Variants in LRP1B observed in about 807,000 individuals in gnomAD.
LRP1B encodes LDL receptor related protein 1B.
A neutral mutation model predicts 556.6 loss-of-function variants in LRP1B; 217 were observed. The ratio of observed to expected loss-of-function variants is 0.39; its 90% CI spans 0.35 to 0.44. The LOEUF (loss-of-function observed/expected upper bound fraction) is 0.44. Ranked by LOEUF, LRP1B falls within the 20% of genes least tolerant of loss-of-function variation. LRP1B has a pLI of 1.00. For synonymous variants in LRP1B, 2,047 were observed against 1,865.8 expected (o/e 1.10, Z -2.50); for missense variants, 5,053 against 5,620.8 (o/e 0.90, Z 3.23).
chr2:140,342,862 C>T (rs962064976), intron 77 of LRP1B, among the ~76,000 whole-genome samples: 4 of 151,528 alleles, frequency 2.6e-5, no homozygotes, highest in African/African-American at 9.7e-5. Context: ...AAAATGTGTG[C>T]ATGTGCTGGA....
intron 1 of LRP1B, among the ~76,000 whole-genome samples, chr2:142,036,643 A>T (rs1284134706): frequency 6.6e-6 from 1 of 151,696 alleles, no homozygotes; most frequent in Non-Finnish European, 1.5e-5. Context: ...TATTTTATAC[A>T]TTGCATTTTT....
intron 2 of LRP1B, among the ~76,000 whole-genome samples, chr2:141,504,533 A>G (rs1683849660): frequency 6.6e-6 from 1 of 152,154 alleles, no homozygotes; most frequent in Admixed American, 6.5e-5. Flanking sequence ...GAACAAACCT[A>G]TAATAAGTTT....
intron 43 of LRP1B, among the ~76,000 whole-genome samples, chr2:140,581,344 A>G (rs1167487021): frequency 6.6e-6 from 1 of 152,142 alleles, no homozygotes; most frequent in African/African-American, 2.4e-5. Flanking sequence ...TCATTTAACT[A>G]TTTCTTTTCC....
At chr2:140,966,645 A>C (rs1314858675) in intron 18 of LRP1B, among the ~76,000 whole-genome samples, 1 of 152,190 alleles carries the variant, frequency 6.6e-6, no homozygotes, top group Non-Finnish European at 1.5e-5. Flanking sequence ...GGTATTGCCT[A>C]GCTTTTCTTC....
chr2:141,161,296 A>G (rs2105112189), intron 7 of LRP1B, among the ~76,000 whole-genome samples: 1 of 152,284 alleles, frequency 6.6e-6, no homozygotes, highest in East Asian at 1.9e-4. Context: ...TTACTACAGC[A>G]GTGAACAGTC....
intron 3 of LRP1B, among the ~76,000 whole-genome samples, chr2:141,303,135 A>G (rs1247653381): frequency 6.6e-6 from 1 of 152,108 alleles, no homozygotes; most frequent in Non-Finnish European, 1.5e-5. Flanking sequence ...GCAGATTTAT[A>G]TATGTATATT....
At chr2:140,628,408 G>A (rs563499950) in intron 41 of LRP1B, among the ~76,000 whole-genome samples, 10 of 152,016 alleles carry the variant, frequency 6.6e-5, no homozygotes, top group African/African-American at 2.4e-4. Context: ...ATGGTGGCGG[G>A]TGCCTGTAGT....
At chr2:140,671,450 G>A (rs1685482185) in intron 41 of LRP1B, among the ~76,000 whole-genome samples, 1 of 152,176 alleles carries the variant, frequency 6.6e-6, no homozygotes, top group African/African-American at 2.4e-5. Flanking sequence ...GAATCCGAGA[G>A]GCAGAGCTTG....
chr2:141,295,746 AACACACACACACACAC>A (rs376812743), intron 3 of LRP1B, among the ~76,000 whole-genome samples: 7 of 130,602 alleles, frequency 5.4e-5, no homozygotes, highest in South Asian at 2.6e-4. Flanking sequence ...TGAGGAGAGA[AACACACACACACACAC>A]ACACACACAC....
At chr2:140,743,882 A>G (rs1462621034) in intron 35 of LRP1B, among the ~76,000 whole-genome samples, 1 of 142,650 alleles carries the variant, frequency 7.0e-6, no homozygotes, top group Non-Finnish European at 1.5e-5. Context: ...TAGTAGAATC[A>G]CTTGAACCCA....
chr2:140,971,831 C>T (rs1696435605), intron 18 of LRP1B, among the ~76,000 whole-genome samples: 1 of 151,970 alleles, frequency 6.6e-6, no homozygotes, highest in Admixed American at 6.6e-5. Context: ...GAGACTCCGT[C>T]TCAAAAAAAA....
intron 84 of LRP1B, among the ~76,000 whole-genome samples, chr2:140,287,375 A>T (rs1394673318): frequency 6.6e-6 from 1 of 151,670 alleles, no homozygotes; most frequent in Non-Finnish European, 1.5e-5. Flanking sequence ...AAATGACCTT[A>T]ATTCTTGTCC....
chr2:141,769,292 C>T (rs1307570845), intron 2 of LRP1B, among the ~76,000 whole-genome samples: 1 of 152,180 alleles, frequency 6.6e-6, no homozygotes, highest in Non-Finnish European at 1.5e-5. Context: ...CAAACAATTT[C>T]TGCATTATTC....
At chr2:141,714,476 AT>A (rs769728936) in intron 2 of LRP1B, among the ~76,000 whole-genome samples, 3,418 of 120,226 alleles carry the variant, frequency 0.028, 67 homozygotes, top group African/African-American at 0.085. Flanking sequence ...TATTTTAAGT[AT>A]TTTTTTTTTT....
chr2:140,755,728 G>A (rs554123498), intron 35 of LRP1B, among the ~76,000 whole-genome samples: 1 of 152,054 alleles, frequency 6.6e-6, no homozygotes, highest in South Asian at 2.1e-4. Context: ...ATAGTTAATG[G>A]ATAATGACTG....
intron 7 of LRP1B, among the ~76,000 whole-genome samples, chr2:141,109,309 C>A (rs999441313): frequency 6.6e-6 from 1 of 152,144 alleles, no homozygotes; most frequent in South Asian, 2.1e-4. Context: ...ATTAGCTACA[C>A]TGTGTGAATT....
At chr2:141,794,830 CA>C (rs1294286985) in intron 2 of LRP1B, among the ~76,000 whole-genome samples, 9 of 152,034 alleles carry the variant, frequency 5.9e-5, no homozygotes, top group African/African-American at 2.2e-4. Context: ...AATTATATGT[CA>C]AAAATGTCAT....
chr2:141,339,691 T>C (rs77900390), intron 3 of LRP1B, among the ~76,000 whole-genome samples: 433 of 152,332 alleles, frequency 2.8e-3, no homozygotes, highest in African/African-American at 0.01. Flanking sequence ...GGTTTCAACA[T>C]GAAGTCAATC....
chr2:140,591,664 C>T (rs1000516094), intron 43 of LRP1B, among the ~76,000 whole-genome samples: 9 of 152,290 alleles, frequency 5.9e-5, no homozygotes, highest in South Asian at 2.1e-4. Context: ...CTGCAATACA[C>T]GGAGCAGTTC....
Sources: allele counts gnomAD v4.1 joint callset (sites outside exome capture counted in the v4.1 genomes callset), GRCh38; gene constraint gnomAD v4.1.1; transcripts MANE v1.5; gene names NCBI Gene and HGNC (gene_info 2026-07-23, HGNC 2026-07-21).